Variants in POLA1 observed in about 807,000 individuals in gnomAD.
POLA1 encodes DNA polymerase alpha 1, catalytic subunit.
A neutral mutation model predicts 124.0 loss-of-function variants in POLA1; 15 were observed. The ratio of observed to expected loss-of-function variants is 0.12; its 90% CI spans 0.08 to 0.19. The LOEUF (loss-of-function observed/expected upper bound fraction) is 0.19. Among genes scored for constraint, POLA1 ranks in the 10% least tolerant of loss-of-function variants. The probability of loss-of-function intolerance (pLI) is 1.00; values close to 1 mark genes in which losing one functional copy is unlikely to be tolerated. For synonymous variants in POLA1, 408 were observed against 389.4 expected (o/e 1.05, Z -0.56); for missense variants, 886 against 1,103.4 (o/e 0.80, Z 2.79).
At chrX:24,896,803 C>T (rs1466654260) in intron 35 of POLA1, among the ~76,000 whole-genome samples, 1 of 112,414 alleles carries the variant, frequency 8.9e-6, no homozygotes, top group African/African-American at 3.2e-5. Flanking sequence ...AAGATGAAAA[C>T]AGTTATAAAA....
intron 32 of POLA1, among the ~76,000 whole-genome samples, chrX:24,835,322 G>A (rs1031480429): frequency 1.8e-5 from 2 of 110,818 alleles, no homozygotes; most frequent in African/African-American, 3.3e-5. Context: ...AGAGTGCTGC[G>A]ATTACAGGCG....
At chrX:24,792,417 C>T (rs1004436926) in intron 26 of POLA1, among the ~76,000 whole-genome samples, 4 of 112,343 alleles carry the variant, frequency 3.6e-5, no homozygotes, top group African/African-American at 1.3e-4. Context: ...ACTCTTCTTC[C>T]TGCCTCTGTT....
intron 26 of POLA1, among the ~76,000 whole-genome samples, chrX:24,805,085 G>T (rs1484448183): frequency 4.5e-5 from 5 of 111,049 alleles, no homozygotes; most frequent in Admixed American, 3.8e-4. Context: ...TCAGACTGGG[G>T]TTAAAATTCC....
At position 24,717,361 on chromosome X, in the gene POLA1, T is replaced by C. The variant is rs375784471; in HGVS notation, c.778T>C (p.Phe260Leu). The C allele has an allele frequency of 8.3e-6, 10 of 1,209,628 alleles. No individual in the cohort carries two copies. The highest frequency in any genetic ancestry group is 9.0e-6 in the Non-Finnish European group (8 of 893,842). The change falls in exon 9 of 37, where the codon TTT becomes CTT. Residue 260 changes from phenylalanine (F) to leucine (L), a missense_variant. Phe to Leu is a conservative substitution (Grantham distance 22). Around this residue, in one of 7 missense-constraint regions of POLA1, gnomAD observed 337 missense variants for 402.8 expected, o/e 0.84. Coordinates refer to ENST00000379068, the MANE Select transcript of POLA1 (RefSeq NM_001330360.2). ...GGCAATGGAGTTTGAAGATGGTGAC[T>C]TTGATGAGCCCATGGAAGTTGAAGA... ...SGAMEFEDGD[F>L]DEPMEVEEVD...
At chrX:24,814,499 G>A (rs1479796490) in intron 29 of POLA1, among the ~76,000 whole-genome samples, 1 of 111,958 alleles carries the variant, frequency 8.9e-6, no homozygotes, top group African/African-American at 3.2e-5. Flanking sequence ...AAAAATTTAT[G>A]TAAAGGACTT....
At position 24,995,929 on chromosome X, in the gene POLA1, T is replaced by C. The variant is rs2048601002; in HGVS notation, c.4386T>C (p.Ala1462=). Residue 1462 remains alanine, a synonymous_variant, in exon 37 of 37, where the codon GCT becomes GCC. Transcript: ENST00000379068. ...AAGTGAATCTGAGCAAACTCTTCGC[T>C]GGTTGTGCCGTGAAATCCTAAGGGA... ...YSEVNLSKLF[A]GCAVKS 1 of 1,210,424 alleles carries C rather than the reference T, an allele frequency of 8.3e-7. No homozygotes were observed.
At chrX:24,985,315 A>G (rs555116908) in intron 36 of POLA1, among the ~76,000 whole-genome samples, 1 of 113,119 alleles carries the variant, frequency 8.8e-6, no homozygotes, top group African/African-American at 3.2e-5. Flanking sequence ...CTGTGTTCCA[A>G]TAAAACTTTA....
intron 36 of POLA1, 114 bp from the exon 37 acceptor site, chrX:24,995,691 A>C: frequency 1.5e-6 from 1 of 657,466 alleles, no homozygotes; most frequent in Non-Finnish European, 2.4e-6. Flanking sequence ...GGGGTAGACC[A>C]GAGATAAGAT....
rs2045881626 is a variant in POLA1, at chrX:24,810,536, T to C, written c.2998-172T>C. ...TGTCAGGTTGCTTGCCTTTCTGGTT[T>C]ATAGGGGCTTAATCTTTAATTGTAT... On this transcript the variant is annotated intron_variant, in intron 27 of 36. Coordinates refer to ENST00000379068, the MANE Select transcript of POLA1 (RefSeq NM_001330360.2). Among the ~76,000 whole-genome samples, 3 of 111,979 alleles carry C rather than the reference T, an allele frequency of 2.7e-5. No homozygotes were observed. In the South Asian group the frequency reaches 1.1e-3, roughly 42 times the overall value.
chrX:24,810,283 T>C (rs2045876880), intron 27 of POLA1, among the ~76,000 whole-genome samples: 1 of 112,000 alleles, frequency 8.9e-6, no homozygotes. Context: ...ATTAAGAATT[T>C]AATATGGATT....
intron 36 of POLA1, among the ~76,000 whole-genome samples, chrX:24,955,174 C>A (rs745452408): frequency 1.1e-5 from 1 of 87,725 alleles, no homozygotes; most frequent in Non-Finnish European, 2.3e-5. Context: ...TTTTTCTTCT[C>A]TTTTTTTTTG....
At chrX:24,749,054 T>C in intron 26 of POLA1, 62 bp downstream of exon 26, 5 of 940,150 alleles carry the variant, frequency 5.3e-6, no homozygotes, top group Non-Finnish European at 7.6e-6. Context: ...ATACATGTTA[T>C]AGTGTGGGAG....
intron 36 of POLA1, among the ~76,000 whole-genome samples, chrX:24,939,109 C>G: frequency 8.9e-6 from 1 of 112,109 alleles, no homozygotes; most frequent in Non-Finnish European, 1.9e-5. Flanking sequence ...TTTTAGTGGG[C>G]AAGTTCCTTT....
intron 10 of POLA1, among the ~76,000 whole-genome samples, chrX:24,722,808 C>T (rs1419453504): frequency 8.9e-6 from 1 of 112,235 alleles, no homozygotes; most frequent in Non-Finnish European, 1.9e-5. Flanking sequence ...CCACCTCGGC[C>T]TTCCGAAGTG....
chrX:24,992,280 G>C (rs1301117094), intron 36 of POLA1, among the ~76,000 whole-genome samples: 5 of 111,779 alleles, frequency 4.5e-5, no homozygotes. Flanking sequence ...TTACTGCAAA[G>C]CTCACGTTGC....
At chrX:24,936,657 GA>G (rs1338547837) in intron 36 of POLA1, among the ~76,000 whole-genome samples, 1 of 110,955 alleles carries the variant, frequency 9.0e-6, no homozygotes, top group African/African-American at 3.3e-5. Context: ...TCAGCCTCCC[GA>G]GTAGCTGGGA....
intron 36 of POLA1, among the ~76,000 whole-genome samples, chrX:24,978,813 C>T (rs1429820873): frequency 8.9e-6 from 1 of 111,992 alleles, no homozygotes; most frequent in Non-Finnish European, 1.9e-5. Flanking sequence ...AGATGATGTC[C>T]CCAACTTTGT....
intron 26 of POLA1, among the ~76,000 whole-genome samples, chrX:24,749,803 A>G (rs1932225274): frequency 8.9e-6 from 1 of 112,498 alleles, no homozygotes; most frequent in African/African-American, 3.2e-5. Context: ...CCAGATACCA[A>G]ATAGAATTTA....
chrX:24,801,048 A>C (rs1290909045), intron 26 of POLA1, among the ~76,000 whole-genome samples: 1 of 112,386 alleles, frequency 8.9e-6, no homozygotes, highest in Non-Finnish European at 1.9e-5. Context: ...AAGGATTTAA[A>C]ACAAAATCAG....
Sources: gnomAD v4.1 joint callset for allele counts (sites outside exome capture counted in the v4.1 genomes callset) on GRCh38, gnomAD v4.1.1 for gene constraint, gnomAD v4.1.1 regional missense constraint, MANE v1.5 for transcripts, NCBI Gene and HGNC (gene_info 2026-07-23, HGNC 2026-07-21) for gene names.